The following TMEM255B variants were observed in gnomAD, a reference collection of about 807,000 sequenced individuals.
TMEM255B encodes transmembrane protein 255B, also known as family with sequence similarity 70, member B.
Under a neutral mutation model 34.5 loss-of-function variants are expected in TMEM255B, and 35 were observed. The ratio of observed to expected loss-of-function variants is 1.01; its 90% CI spans 0.77 to 1.34. The LOEUF (loss-of-function observed/expected upper bound fraction) is 1.34. Among genes scored for constraint, TMEM255B ranks in the 40% most tolerant of loss-of-function variants. TMEM255B has a pLI of 0.00. For synonymous variants in TMEM255B, 206 were observed against 201.2 expected, an observed-to-expected ratio of 1.02 and a Z score of -0.20; for missense variants, 432 against 433.2, an observed-to-expected ratio of 1.00 and a Z score of 0.02.
At position 113,807,628 on chromosome 13, in the gene TMEM255B, T is replaced by C. The variant is rs964644098; in HGVS notation, c.813+2600T>C. ...ACGTGGGCTTACGGGATGTGGGGGG[T>C]GGTCCTCCCTGTCACACGCAGGCTT... is the stretch of plus-strand genomic sequence containing the variant. On this transcript the variant is annotated intron_variant, in intron 8 of 8. Transcript: ENST00000375353. 9.7e-5 allele frequency among the ~76,000 whole-genome samples: 9 copies of C among 92,968 alleles called. 1 individual carries two copies. The highest frequency in any genetic ancestry group is 6.7e-4 in the Admixed American group (5 of 7,428). 61.0% of individuals were successfully genotyped at this position (92,968 alleles called of 152,430 possible).
chr13:113,766,935 C>T (rs2050402236), intron 2 of TMEM255B, among the ~76,000 whole-genome samples: 1 of 152,222 alleles, frequency 6.6e-6, no homozygotes, highest in African/African-American at 2.4e-5. Flanking sequence ...TATGAAATTA[C>T]ATCCTCTGTC....
intron 1 of TMEM255B, chr13:113,761,363 G>A (rs1221082167): frequency 2.0e-6 from 2 of 985,346 alleles, no homozygotes; most frequent in African/African-American, 3.5e-5. Context: ...ACCTGGCGTG[G>A]GCACAGGCTC....
At chr13:113,791,960 C>T (rs894595249) in intron 3 of TMEM255B, among the ~76,000 whole-genome samples, 4 of 152,180 alleles carry the variant, frequency 2.6e-5, no homozygotes, top group East Asian at 1.9e-4. Context: ...TGATCCAGGC[C>T]GGCACCCACG....
chr13:113,798,297 A>G (rs192132146), intron 4 of TMEM255B, among the ~76,000 whole-genome samples: 444 of 151,564 alleles, frequency 2.9e-3, no homozygotes, highest in African/African-American at 9.1e-3. Flanking sequence ...TGATGGATGG[A>G]TGGTGGACAG....
At chr13:113,762,212 A>G (rs1223167365) in intron 1 of TMEM255B, among the ~76,000 whole-genome samples, 1 of 151,402 alleles carries the variant, frequency 6.6e-6, no homozygotes, top group Non-Finnish European at 1.5e-5. Context: ...CTCTTATGCT[A>G]ATTATAAAGA....
Position 113,811,767 on chromosome 13 carries a change from C to T in TMEM255B, c.845C>T (p.Ser282Phe), listed in dbSNP as rs2051314052. 6.2e-7 allele frequency: 1 copy of T among 1,613,932 alleles called. No homozygotes were observed. The highest frequency in any genetic ancestry group is 8.5e-7 in the Non-Finnish European group (1 of 1,179,896). ...PCSRFPVAPSSALASSEDLQP... is the reference protein window; with the variant it reads ...PCSRFPVAPSFALASSEDLQP... Reference sequence around the variant, plus strand: ...AGCCGCTTCCCAGTTGCGCCCTCCTCTGCCCTGGCTTCGTCTGAGGACCTG... The same window carrying T: ...AGCCGCTTCCCAGTTGCGCCCTCCTTTGCCCTGGCTTCGTCTGAGGACCTG... The change falls in exon 9 of 9, where the codon TCT becomes TTT. Residue 282 changes from serine to phenylalanine, a missense_variant. Ser to Phe is a radical substitution (Grantham distance 155). Transcript: ENST00000375353.
intron 5 of TMEM255B, chr13:113,800,016 G>T: frequency 8.1e-7 from 1 of 1,232,524 alleles, no homozygotes; most frequent in Non-Finnish European, 1.0e-6. Flanking sequence ...TCAGTGGCCA[G>T]CACCTGCCAG....
At chr13:113,802,373 G>A (rs564413761) in intron 7 of TMEM255B, among the ~76,000 whole-genome samples, 68 of 152,292 alleles carry the variant, frequency 4.5e-4, no homozygotes, top group South Asian at 8.3e-4. Flanking sequence ...CTCTCCTGGC[G>A]CCTGTTTCAA....
intron 8 of TMEM255B, among the ~76,000 whole-genome samples, chr13:113,810,158 A>G (rs2051271781): frequency 6.6e-6 from 1 of 152,058 alleles, no homozygotes; most frequent in Non-Finnish European, 1.5e-5. Flanking sequence ...TTCTCTGGGG[A>G]TGCTGAACAC....
intron 3 of TMEM255B, among the ~76,000 whole-genome samples, chr13:113,778,028 A>T (rs1389774560): frequency 6.6e-6 from 1 of 152,152 alleles, no homozygotes. Flanking sequence ...GCCAGGGTGG[A>T]GGGCCTGAGG....
intron 3 of TMEM255B, among the ~76,000 whole-genome samples, chr13:113,785,139 T>C (rs1262514741): frequency 2.0e-5 from 3 of 152,276 alleles, no homozygotes; most frequent in African/African-American, 7.2e-5. Flanking sequence ...ATGGTCATGC[T>C]GACATTAGTC....
At chr13:113,811,494 C>T (rs181920921) in intron 8 of TMEM255B, among the ~76,000 whole-genome samples, 1,525 of 139,326 alleles carry the variant, frequency 0.011, 27 homozygotes, top group African/African-American at 0.039. Context: ...GTGGGGGGCC[C>T]GTGTGAATAG....
At chr13:113,795,267 G>T (rs769391788) in intron 4 of TMEM255B, 30 bp downstream of exon 4, 1 of 1,593,758 alleles carries the variant, frequency 6.3e-7, no homozygotes, top group East Asian at 2.2e-5. Context: ...GTGCACAGTC[G>T]CTTTCCGGGG....
At position 113,797,534 on chromosome 13, in the gene TMEM255B, G is replaced by C. The variant is rs374531020; in HGVS notation, c.343-1805G>C. Among the ~76,000 whole-genome samples, 70 of 152,322 alleles carry C rather than the reference G, an allele frequency of 4.6e-4. No homozygotes were observed. The East Asian group carries it at 0.01, about 22-fold the overall frequency. On this transcript the variant is annotated intron_variant, in intron 4 of 8. Transcript: ENST00000375353. The stretch of plus-strand genomic sequence containing the variant: ...GCCCTCTCTCCAGGAAGGAGCCTCT[G>C]TCCCCTTGGGCTACTCATTGTTACC...
In TMEM255B at chr13:113,759,273, C is replaced by T; in HGVS notation, c.4C>T (p.Gln2Ter). The T allele has an allele frequency of 2.4e-6, 3 of 1,228,702 alleles. No individual in the cohort carries two copies. Among genetic ancestry groups the T allele is most frequent in the South Asian group, 4.1e-5 (1 of 24,296 alleles). 76.1% of individuals were successfully genotyped at this position (1,228,702 alleles called of 1,614,324 possible). Residue 2 changes from glutamine to a stop codon, truncating the protein, a stop_gained, in exon 1 of 9, where the codon CAG becomes TAG. Transcript: ENST00000375353. LOFTEE classifies it high-confidence loss of function. M[Q>*]PPVPGPLGLL... ...GAGAGCCGGGTGGGGCCTCGGGATG[C>T]AGCCGCCGGTGCCCGGGCCCCTGGG...
Position 113,811,749 on chromosome 13 carries a change from T to C in TMEM255B, c.827T>C (p.Phe276Ser), listed in dbSNP as rs370978943. 17 of 1,613,572 alleles carry C rather than the reference T, an allele frequency of 1.1e-5. No homozygotes were observed. The African/African-American group carries it at 1.7e-4, about 16-fold the overall frequency. The change falls in exon 9 of 9, where the codon TTC becomes TCC. Residue 276 changes from phenylalanine (F) to serine (S), a missense_variant. By Grantham distance (155) the Phe-to-Ser change is radical. Transcript: ENST00000375353. ...TGTTTATTGCAGCCCTGCAGCCGCT[T>C]CCCAGTTGCGCCCTCCTCTGCCCTG... is the stretch of plus-strand genomic sequence containing the variant. Reference protein sequence around the residue: ...YPLPLQPCSRFPVAPSSALAS... With the variant: ...YPLPLQPCSRSPVAPSSALAS...
In TMEM255B at chr13:113,811,945, T is replaced by TTA. The variant is rs746391871; in HGVS notation, c.*42_*43insTA. On this transcript the variant is annotated 3_prime_UTR_variant, in exon 9 of 9. Coordinates refer to ENST00000375353, the MANE Select transcript of TMEM255B (RefSeq NM_182614.4). ...AAGATAACTTGTTTGTTTTTTTTTT[T>TTA]AAAAAAAAGGCAGCCTCTAGAAATC... 1.9e-5 allele frequency: 29 copies of TTA among 1,493,746 alleles called. No homozygotes were observed. The African/African-American group carries it at 3.9e-4, about 20-fold the overall frequency. 92.5% of individuals were successfully genotyped at this position (1,493,746 alleles called of 1,614,324 possible). A position where few individuals can be genotyped will look rare whatever the true frequency, so the allele number is the denominator to read the frequency against.
intron 4 of TMEM255B, among the ~76,000 whole-genome samples, chr13:113,798,943 C>T (rs1174760206): frequency 6.6e-6 from 1 of 152,170 alleles, no homozygotes; most frequent in Non-Finnish European, 1.5e-5. Context: ...GGTCTGAAAT[C>T]CTTCTTGCTA....
At chr13:113,800,679 G>A in intron 5 of TMEM255B, 148 bp from the exon 6 acceptor site, 1 of 713,640 alleles carries the variant, frequency 1.4e-6, no homozygotes, top group Non-Finnish European at 2.4e-6. Flanking sequence ...AAGCCTCTGT[G>A]TCTGGAGTCG....
Sources: allele counts gnomAD v4.1 joint callset (sites outside exome capture counted in the v4.1 genomes callset), GRCh38; gene constraint gnomAD v4.1.1; transcripts MANE v1.5; gene names NCBI Gene and HGNC (gene_info 2026-07-23, HGNC 2026-07-21).